Variants in CLEC2A observed in about 807,000 individuals in gnomAD.
CLEC2A encodes the protein keratinocyte-associated C-type lectin.
CLEC2A carries 19 observed loss-of-function variants against 18.6 expected under a neutral mutation model. That is an observed-to-expected ratio of 1.02 (90% CI 0.71 to 1.50). The LOEUF is 1.50. Among genes scored for constraint, CLEC2A ranks in the 40% most tolerant of loss-of-function variants. The pLI, the probability that CLEC2A is intolerant of heterozygous loss-of-function variation, is 0.00. For missense variants in CLEC2A, 190 were observed against 207.9 expected (o/e 0.91, Z 0.53); for synonymous variants, 74 against 64.0 (o/e 1.16, Z -0.75).
chr12:9,931,533 G>C (rs1463516467), intron 1 of CLEC2A, among the ~76,000 whole-genome samples: 1 of 152,096 alleles, frequency 6.6e-6, no homozygotes, highest in Non-Finnish European at 1.5e-5. Flanking sequence ...GTTTTACTAG[G>C]TAGCTACTGA....
intron 4 of CLEC2A, among the ~76,000 whole-genome samples, chr12:9,901,759 A>C (rs1862832149): frequency 6.6e-6 from 1 of 152,204 alleles, no homozygotes; most frequent in Admixed American, 6.5e-5. Flanking sequence ...GATTACCATA[A>C]ATTATTTATT....
At chr12:9,912,762 C>T (rs890420533), downstream of CLEC2A, among the ~76,000 whole-genome samples, 3 of 152,068 alleles carry the variant, frequency 2.0e-5, no homozygotes, top group Admixed American at 2.0e-4. Context: ...GGACCGTGCT[C>T]GCTCTTCTTT....
chr12:9,895,744 T>C (rs1156818859), downstream of CLEC2A: 3 of 1,535,760 alleles, frequency 2.0e-6, no homozygotes, highest in Non-Finnish European at 2.6e-6. Flanking sequence ...CACAGGAAAC[T>C]GGGTGTATTC....
the CLEC2A span, among the ~76,000 whole-genome samples, chr12:9,885,484 G>A: frequency 6.6e-6 from 1 of 151,602 alleles, no homozygotes; most frequent in Non-Finnish European, 1.5e-5. Flanking sequence ...TTTCTGTCTT[G>A]CTTTTAAGGC....
the CLEC2A span, among the ~76,000 whole-genome samples, chr12:9,887,724 G>GT: frequency 0.023 from 3,096 of 133,508 alleles, 89 homozygotes; most frequent in East Asian, 0.13. Flanking sequence ...GGTCAAAAGA[G>GT]TTTTTTTTTT....
At chr12:9,898,632 A>G, downstream of CLEC2A, 2 of 373,164 alleles carry the variant, frequency 5.4e-6, no homozygotes, top group Non-Finnish European at 4.9e-6. Flanking sequence ...TAATAAATGG[A>G]ACAGCTATGT....
chr12:9,918,484 C>G (rs1863109485), intron 3 of CLEC2A, among the ~76,000 whole-genome samples: 1 of 152,172 alleles, frequency 6.6e-6, no homozygotes, highest in South Asian at 2.1e-4. Flanking sequence ...CAGTACCATG[C>G]TGTTTTGGTT....
In CLEC2A at chr12:9,926,420, C is replaced by T. The variant is rs1437320556; in HGVS notation, c.56-77G>A. The T allele has an allele frequency of 4.6e-6, 4 of 862,134 alleles. No homozygotes were observed. The East Asian group carries it at 1.1e-4, about 23-fold the overall frequency. 53.4% of individuals were successfully genotyped at this position (862,134 alleles called of 1,614,324 possible). On this transcript the variant is annotated intron_variant, in intron 1 of 4. Transcript: ENST00000455827. ...GATATTATTACTGGTGTATTCCTCT[C>T]CTATAATTGTTAATCAGGAAACCCT...
downstream of CLEC2A, among the ~76,000 whole-genome samples, chr12:9,894,171 G>GTTTC (rs200285327): frequency 4.7e-3 from 371 of 78,654 alleles, 2 homozygotes; most frequent in African/African-American, 0.017. Context: ...TTCCTTCTTT[G>GTTTC]TTTCTTTCTT....
the CLEC2A span, among the ~76,000 whole-genome samples, chr12:9,892,771 A>G: frequency 6.6e-6 from 1 of 151,424 alleles, no homozygotes; most frequent in Admixed American, 6.6e-5. Context: ...TTTAGTAGAG[A>G]CAGGGTTTCT....
the CLEC2A span, among the ~76,000 whole-genome samples, chr12:9,886,454 G>A: frequency 6.6e-6 from 1 of 152,120 alleles, no homozygotes; most frequent in Non-Finnish European, 1.5e-5. Context: ...ATAAATCAAT[G>A]GGGAGAACCT....
chr12:9,912,406 C>A (rs1261798582), downstream of CLEC2A, among the ~76,000 whole-genome samples: 1 of 152,136 alleles, frequency 6.6e-6, no homozygotes, highest in Non-Finnish European at 1.5e-5. Flanking sequence ...TTTCCCCTGA[C>A]CCTTAGAGTG....
At chr12:9,892,265 C>G in the CLEC2A span, among the ~76,000 whole-genome samples, 2 of 152,052 alleles carry the variant, frequency 1.3e-5, no homozygotes, top group African/African-American at 4.8e-5. Flanking sequence ...ACTAAGGGAA[C>G]AGTATGAACG....
At chr12:9,893,929 G>A (rs1045721860), downstream of CLEC2A, among the ~76,000 whole-genome samples, 3 of 152,246 alleles carry the variant, frequency 2.0e-5, no homozygotes, top group Middle Eastern at 3.4e-3. Flanking sequence ...GCTGGAATGT[G>A]TAGAAAGGTC....
intron 4 of CLEC2A, among the ~76,000 whole-genome samples, chr12:9,915,496 A>G (rs1863056813): frequency 6.6e-6 from 1 of 152,240 alleles, no homozygotes; most frequent in Admixed American, 6.5e-5. Flanking sequence ...AATGTGGTAC[A>G]TATACACCAT....
In CLEC2A at chr12:9,913,315, C is replaced by G. The variant is rs1171108780; in HGVS notation, c.*251G>C. 6.7e-6 allele frequency: 3 copies of G among 447,738 alleles called. No individual in the cohort carries two copies. Among genetic ancestry groups the G allele is most frequent in the Non-Finnish European group, 1.1e-5 (3 of 278,150 alleles). The allele number at this position is 447,738 out of a possible 1,614,324, so 27.7% of individuals were successfully genotyped here. ...GGTATTAGGGGATGGAGCCATCCAT[C>G]AGGAGGTGATTAGTTCATGAGGATG... On this transcript the variant is annotated 3_prime_UTR_variant, in exon 5 of 5. Transcript: ENST00000455827.
At chr12:9,882,981 C>T in the CLEC2A span, among the ~76,000 whole-genome samples, 1 of 152,018 alleles carries the variant, frequency 6.6e-6, no homozygotes, top group East Asian at 1.9e-4. Context: ...CAAATGTGTA[C>T]AGAGACTTAA....
At chr12:9,904,588 G>A (rs981733079) in intron 4 of CLEC2A, among the ~76,000 whole-genome samples, 6 of 152,096 alleles carry the variant, frequency 3.9e-5, no homozygotes, top group Non-Finnish European at 7.4e-5. Flanking sequence ...GGTCCCACAT[G>A]TTCTCCAGAC....
chr12:9,901,917 C>T (rs934495409), intron 4 of CLEC2A, among the ~76,000 whole-genome samples: 2 of 152,150 alleles, frequency 1.3e-5, no homozygotes, highest in African/African-American at 4.8e-5. Flanking sequence ...CATATAATAT[C>T]CTTCTTGAAT....
Sources: allele counts gnomAD v4.1 joint callset (sites outside exome capture counted in the v4.1 genomes callset), GRCh38; gene constraint gnomAD v4.1.1; transcripts MANE v1.5; gene names NCBI Gene and HGNC (gene_info 2026-07-23, HGNC 2026-07-21).